The following NEO1 variants were observed in gnomAD, a reference collection of about 807,000 sequenced individuals.
NEO1 encodes the protein neogenin.
Under a neutral mutation model 159.7 loss-of-function variants are expected in NEO1, and 63 were observed. The observed-to-expected ratio is 0.39, with a 90% confidence interval of 0.32 to 0.49. The LOEUF is 0.49. Ranked by LOEUF, NEO1 falls within the 20% of genes least tolerant of loss-of-function variation. The pLI is 0.85. For synonymous variants in NEO1, 633 were observed against 662.0 expected (o/e 0.96, Z 0.67); for missense variants, 1,615 against 1,831.0 (o/e 0.88, Z 2.15).
chr15:73,119,627 G>A (rs1172178170), intron 2 of NEO1, among the ~76,000 whole-genome samples: 1 of 152,198 alleles, frequency 6.6e-6, no homozygotes, highest in African/African-American at 2.4e-5. Context: ...CAGTTCTCCA[G>A]AGGCAGCAGG....
At chr15:73,274,586 T>G in intron 20 of NEO1, 106 bp from the exon 21 acceptor site, 1 of 1,075,622 alleles carries the variant, frequency 9.3e-7, no homozygotes. Context: ...TGTTTGGAAG[T>G]TTGTGGGGGT....
At chr15:73,287,192 A>G (rs2041980301) in intron 23 of NEO1, among the ~76,000 whole-genome samples, 2 of 152,106 alleles carry the variant, frequency 1.3e-5, no homozygotes, top group Admixed American at 6.5e-5. Context: ...ATATACCACC[A>G]GGGCATTGCA....
chr15:73,253,039 CAAAAG>C (rs1224986945), intron 11 of NEO1, among the ~76,000 whole-genome samples: 1 of 152,036 alleles, frequency 6.6e-6, no homozygotes, highest in Non-Finnish European at 1.5e-5. Context: ...CAATAATACT[CAAAAG>C]AATACATTTA....
intron 13 of NEO1, chr15:73,255,788 G>T (rs895486369): frequency 6.6e-6 from 1 of 152,206 alleles, no homozygotes; most frequent in Non-Finnish European, 1.5e-5. Flanking sequence ...GCCTGTTGGA[G>T]TATTGCCTCA....
chr15:73,150,372 A>T (rs888385451), intron 5 of NEO1, among the ~76,000 whole-genome samples: 1 of 152,164 alleles, frequency 6.6e-6, no homozygotes, highest in African/African-American at 2.4e-5. Context: ...ACTTTTTCCT[A>T]AGGAAAAAAT....
Position 73,116,339 on chromosome 15 carries a change from G to C in NEO1, c.131-201G>C, listed in dbSNP as rs770678802. 2.6e-5 allele frequency among the ~76,000 whole-genome samples: 4 copies of C among 151,752 alleles called. No homozygotes were observed. In the South Asian group the frequency reaches 6.2e-4, roughly 24 times the overall value. ...GTAGAAGGTTTTTTTTTCCCCTAAT[G>C]TTCTTCTAAATGGCTCAAAGTTTGG... On this transcript the variant is annotated intron_variant, in intron 1 of 28. Coordinates refer to ENST00000261908, the MANE Select transcript of NEO1 (RefSeq NM_002499.4).
chr15:73,258,895 A>G lies in NEO1; in HGVS notation c.2203+19A>G. On this transcript the variant is annotated intron_variant, in intron 14 of 28. Coordinates refer to ENST00000261908, the MANE Select transcript of NEO1 (RefSeq NM_002499.4). ...CTAGATGGTAAGAATAACAATTGGC[A>G]AGACTGGAACACAATAGATACTAGC... The G allele has an allele frequency of 6.3e-7, 1 of 1,597,850 alleles. No individual in the cohort carries two copies. Among genetic ancestry groups the G allele is most frequent in the Non-Finnish European group, 8.6e-7 (1 of 1,165,458 alleles).
At chr15:73,214,221 T>C (rs1478623779) in intron 7 of NEO1, among the ~76,000 whole-genome samples, 1 of 152,226 alleles carries the variant, frequency 6.6e-6, no homozygotes. Context: ...ACTCTGTGGG[T>C]TGTCTGTTTA....
intron 13 of NEO1, among the ~76,000 whole-genome samples, chr15:73,257,360 G>C (rs916558300): frequency 6.6e-6 from 1 of 150,894 alleles, no homozygotes; most frequent in Non-Finnish European, 1.5e-5. Context: ...GAATTTTTAT[G>C]GTAAAAATGG....
intron 5 of NEO1, among the ~76,000 whole-genome samples, chr15:73,157,411 G>A (rs2033860637): frequency 6.6e-6 from 1 of 152,232 alleles, no homozygotes; most frequent in Non-Finnish European, 1.5e-5. Flanking sequence ...CTGATGGAAT[G>A]TATGGGACGT....
chr15:73,133,475 A>T (rs1158019127), intron 4 of NEO1, among the ~76,000 whole-genome samples: 1 of 152,208 alleles, frequency 6.6e-6, no homozygotes, highest in Non-Finnish European at 1.5e-5. Flanking sequence ...TGGGTGCACC[A>T]AAATCTGAGA....
intron 23 of NEO1, among the ~76,000 whole-genome samples, chr15:73,284,579 CT>C (rs948774194): frequency 0.017 from 2,369 of 137,172 alleles, 21 homozygotes; most frequent in African/African-American, 0.056. Context: ...ATAGCTCTTC[CT>C]TTTTTTTTTT....
chr15:73,279,966 A>G (rs1248610315), intron 22 of NEO1, among the ~76,000 whole-genome samples: 3 of 152,236 alleles, frequency 2.0e-5, no homozygotes, highest in Non-Finnish European at 4.4e-5. Context: ...CTCAAGTACC[A>G]GTGCTAAGAA....
intron 1 of NEO1, among the ~76,000 whole-genome samples, chr15:73,103,928 C>T (rs1702308040): frequency 6.6e-6 from 1 of 152,168 alleles, no homozygotes; most frequent in African/African-American, 2.4e-5. Context: ...GATCATGGCT[C>T]ACTATGTCCT....
intron 1 of NEO1, among the ~76,000 whole-genome samples, chr15:73,108,593 C>G (rs546788614): frequency 6.6e-6 from 1 of 151,740 alleles, no homozygotes; most frequent in Admixed American, 6.6e-5. Flanking sequence ...CATGGCAAGA[C>G]GGGTCATTTT....
At chr15:73,189,250 CAT>C (rs2036107563) in intron 7 of NEO1, among the ~76,000 whole-genome samples, 1 of 152,210 alleles carries the variant, frequency 6.6e-6, no homozygotes, top group African/African-American at 2.4e-5. Context: ...AGGACCCACA[CAT>C]ATATGCCCAG....
chr15:73,052,423 C>G (rs1297051406), upstream of NEO1: 4 of 95,676 alleles, frequency 4.2e-5, 2 homozygotes, highest in Non-Finnish European at 1.1e-4. Flanking sequence ...CCCCCCCCCC[C>G]CCGCCCCGGA....
At chr15:73,104,345 C>T (rs2070563316) in intron 1 of NEO1, among the ~76,000 whole-genome samples, 1 of 152,124 alleles carries the variant, frequency 6.6e-6, no homozygotes, top group Non-Finnish European at 1.5e-5. Flanking sequence ...CCCTTCAAAT[C>T]TAATTCTTAG....
chr15:73,058,854 C>T (rs1467002177), intron 1 of NEO1, among the ~76,000 whole-genome samples: 1 of 152,174 alleles, frequency 6.6e-6, no homozygotes, highest in African/African-American at 2.4e-5. Context: ...TTTATTTCAG[C>T]TTAATAACTT....
Sources: gnomAD v4.1 joint callset for allele counts (sites outside exome capture counted in the v4.1 genomes callset) on GRCh38, gnomAD v4.1.1 for gene constraint, MANE v1.5 for transcripts, NCBI Gene and HGNC (gene_info 2026-07-23, HGNC 2026-07-21) for gene names.